Variants in LRRC4C observed in about 807,000 individuals in gnomAD.
LRRC4C encodes leucine rich repeat containing 4C.
A neutral mutation model predicts 33.6 loss-of-function variants in LRRC4C; 5 were observed. That is an observed-to-expected ratio of 0.15 (90% CI 0.08 to 0.31). The LOEUF (loss-of-function observed/expected upper bound fraction) is 0.31, where lower values mean the gene tolerates loss of function less well. Among genes scored for constraint, LRRC4C ranks in the 10% least tolerant of loss-of-function variants. The probability of loss-of-function intolerance (pLI) is 1.00; values close to 1 mark genes in which losing one functional copy is unlikely to be tolerated. For synonymous variants in LRRC4C, 329 were observed against 302.0 expected (o/e 1.09, Z -0.93); for missense variants, 560 against 796.7 (o/e 0.70, Z 3.58).
intron 1 of LRRC4C, among the ~76,000 whole-genome samples, chr11:41,027,306 C>T (rs1371274216): frequency 6.6e-6 from 1 of 151,586 alleles, no homozygotes; most frequent in African/African-American, 2.4e-5. Context: ...TTAGTACTAC[C>T]GGAGGGTACT....
At chr11:40,150,683 A>C (rs886233426) in intron 5 of LRRC4C, among the ~76,000 whole-genome samples, 1 of 152,134 alleles carries the variant, frequency 6.6e-6, no homozygotes, top group African/African-American at 2.4e-5. Flanking sequence ...AGGCTCAAGA[A>C]ATCCTCTTGC....
chr11:41,265,056 A>T (rs1427358091), intron 1 of LRRC4C, among the ~76,000 whole-genome samples: 1 of 152,160 alleles, frequency 6.6e-6, no homozygotes, highest in Non-Finnish European at 1.5e-5. Context: ...TCTCTATTTC[A>T]TACCATGACT....
intron 1 of LRRC4C, among the ~76,000 whole-genome samples, chr11:41,423,426 A>G (rs1031311547): frequency 6.6e-6 from 1 of 152,102 alleles, no homozygotes; most frequent in Non-Finnish European, 1.5e-5. Flanking sequence ...CATATCTAAA[A>G]GTATTGAAGC....
intron 1 of LRRC4C, among the ~76,000 whole-genome samples, chr11:41,141,818 T>C (rs960152663): frequency 1.3e-5 from 2 of 152,182 alleles, no homozygotes; most frequent in Non-Finnish European, 2.9e-5. Context: ...GGTTATGTCT[T>C]CATAGCAGCC....
At chr11:41,205,918 A>C (rs1238038271) in intron 1 of LRRC4C, among the ~76,000 whole-genome samples, 1 of 152,132 alleles carries the variant, frequency 6.6e-6, no homozygotes, top group Non-Finnish European at 1.5e-5. Context: ...GAAACACTAA[A>C]CCATGCATTT....
chr11:40,377,829 A>G (rs1948718669), intron 3 of LRRC4C, among the ~76,000 whole-genome samples: 1 of 152,096 alleles, frequency 6.6e-6, no homozygotes, highest in Non-Finnish European at 1.5e-5. Flanking sequence ...ATTATCTAGA[A>G]ATATTTTTAG....
chr11:40,180,293 A>T (rs114354190), intron 5 of LRRC4C, among the ~76,000 whole-genome samples: 1,539 of 152,334 alleles, frequency 0.01, 34 homozygotes, highest in African/African-American at 0.036. Context: ...TATGTGAAAA[A>T]GGAAAGAAAG....
chr11:41,458,374 T>G (rs1956235819), intron 1 of LRRC4C, among the ~76,000 whole-genome samples: 1 of 152,204 alleles, frequency 6.6e-6, no homozygotes, highest in Admixed American at 6.5e-5. Context: ...TTACAAGTGA[T>G]TCTTACTCCT....
chr11:40,741,540 C>T (rs1948157274), intron 2 of LRRC4C, among the ~76,000 whole-genome samples: 2 of 151,994 alleles, frequency 1.3e-5, no homozygotes, highest in African/African-American at 4.8e-5. Flanking sequence ...TCTGATGGTA[C>T]AGTAGACACA....
At chr11:40,953,429 T>G (rs915346090) in intron 1 of LRRC4C, among the ~76,000 whole-genome samples, 5 of 151,820 alleles carry the variant, frequency 3.3e-5, no homozygotes, top group South Asian at 2.1e-4. Flanking sequence ...CCCTTCCAAT[T>G]CATAACAGTC....
chr11:41,202,297 G>T (rs1946430105), intron 1 of LRRC4C, among the ~76,000 whole-genome samples: 1 of 152,050 alleles, frequency 6.6e-6, no homozygotes, highest in South Asian at 2.1e-4. Flanking sequence ...GAAATGATTT[G>T]GATTTCTCAT....
At chr11:41,098,133 C>A (rs1316384506) in intron 1 of LRRC4C, among the ~76,000 whole-genome samples, 3 of 152,102 alleles carry the variant, frequency 2.0e-5, no homozygotes, top group Non-Finnish European at 4.4e-5. Flanking sequence ...CGGACACTAA[C>A]ATGGGGGGCT....
At chr11:41,426,442 C>G (rs935404445) in intron 1 of LRRC4C, 31 of 152,106 alleles carry the variant, frequency 2.0e-4, no homozygotes, top group African/African-American at 7.2e-4. Flanking sequence ...CAAATGGTCC[C>G]CAAAGTAGTC....
At chr11:40,544,306 G>A (rs1956834437) in intron 3 of LRRC4C, among the ~76,000 whole-genome samples, 2 of 151,964 alleles carry the variant, frequency 1.3e-5, no homozygotes, top group South Asian at 2.1e-4. Context: ...GGTTACATGA[G>A]GCTAAGGCAT....
intron 3 of LRRC4C, among the ~76,000 whole-genome samples, chr11:40,629,276 C>G (rs1963250256): frequency 6.6e-6 from 1 of 151,904 alleles, no homozygotes; most frequent in South Asian, 2.1e-4. Flanking sequence ...GTAGCTATTC[C>G]CCTTTCTTGC....
At chr11:40,363,233 A>T (rs1445329839) in intron 3 of LRRC4C, among the ~76,000 whole-genome samples, 1 of 152,216 alleles carries the variant, frequency 6.6e-6, no homozygotes, top group African/African-American at 2.4e-5. Context: ...GCCATAAAAA[A>T]GAATGAGACC....
At chr11:40,174,932 T>C (rs1037555233) in intron 5 of LRRC4C, among the ~76,000 whole-genome samples, 3 of 152,216 alleles carry the variant, frequency 2.0e-5, no homozygotes, top group Non-Finnish European at 4.4e-5. Flanking sequence ...GAAATGGTGC[T>C]AAACCCACAA....
chr11:40,643,526 C>T (rs1220867515), intron 3 of LRRC4C, among the ~76,000 whole-genome samples: 5 of 152,134 alleles, frequency 3.3e-5, no homozygotes, highest in African/African-American at 7.2e-5. Flanking sequence ...ACTTCTACCC[C>T]TACCATCCCT....
chr11:40,929,773 C>T (rs1957541207), intron 2 of LRRC4C, among the ~76,000 whole-genome samples: 1 of 152,120 alleles, frequency 6.6e-6, no homozygotes, highest in African/African-American at 2.4e-5. Flanking sequence ...AAATGTAATT[C>T]AGTGTCCAAA....
Sources: gnomAD v4.1 joint callset for allele counts (sites outside exome capture counted in the v4.1 genomes callset) on GRCh38, gnomAD v4.1.1 for gene constraint, MANE v1.5 for transcripts, NCBI Gene and HGNC (gene_info 2026-07-23, HGNC 2026-07-21) for gene names.